Variants in DOT1L observed in about 807,000 individuals in gnomAD.
DOT1L encodes histone-lysine N-methyltransferase, H3 lysine-79 specific.
DOT1L carries 33 observed loss-of-function variants against 153.3 expected under a neutral mutation model. The ratio of observed to expected loss-of-function variants is 0.22; its 90% CI spans 0.16 to 0.29. The LOEUF (loss-of-function observed/expected upper bound fraction) is 0.29. DOT1L is among the 10% of genes least tolerant of loss of function. DOT1L has a pLI of 1.00. For synonymous variants in DOT1L, 1,135 were observed against 965.1 expected (o/e 1.18, Z -3.26); for missense variants, 1,847 against 2,119.9 (o/e 0.87, Z 2.53).
chr19:2,229,257 G>A (rs779609262), intron 27 of DOT1L: 7 of 985,470 alleles, frequency 7.1e-6, no homozygotes, highest in African/African-American at 1.7e-5. Context: ...TTGGCCACCC[G>A]TGCCCTCCAG....
Position 2,207,775 on chromosome 19 carries a change from A to AG in DOT1L, c.963+95_963+96insG. ...TCTCCTTTCTCATGTGGCCTCTGAGACCCTCCCCTCAGAGCCCTCAACGCC... is the reference window on the plus strand; with the variant it reads ...TCTCCTTTCTCATGTGGCCTCTGAGAGCCCTCCCCTCAGAGCCCTCAACGCC... On this transcript the variant is annotated intron_variant, in intron 11 of 27. Transcript: ENST00000398665. This position sits in a 1 kb window ranked among gnomAD's most constrained non-coding sequence, Gnocchi z 4.5. 6 of 1,157,228 alleles carry AG rather than the reference A, an allele frequency of 5.2e-6. No homozygotes were observed. The highest frequency in any genetic ancestry group is 7.2e-6 in the Non-Finnish European group (6 of 835,628). The allele number at this position is 1,157,228 out of a possible 1,614,324, so 71.7% of individuals were successfully genotyped here.
At chr19:2,214,199 G>A in intron 18 of DOT1L, 1 of 925,146 alleles carries the variant, frequency 1.1e-6, no homozygotes, top group Non-Finnish European at 1.6e-6. Flanking sequence ...GGCCCTGGGT[G>A]TCATGGAGCC....
At chr19:2,185,027 T>A (rs1324883994) in intron 2 of DOT1L, among the ~76,000 whole-genome samples, 2 of 152,136 alleles carry the variant, frequency 1.3e-5, no homozygotes, top group Non-Finnish European at 2.9e-5. Context: ...GTAGGTTTAG[T>A]GTTTGTCTTG....
chr19:2,164,617 C>G (rs996485513), intron 1 of DOT1L: 2 of 202,016 alleles, frequency 9.9e-6, no homozygotes, highest in African/African-American at 2.3e-5. Flanking sequence ...GTTCCCGGCG[C>G]TGTCAGTGTG....
intron 8 of DOT1L, among the ~76,000 whole-genome samples, chr19:2,200,456 A>G (rs2144782069): frequency 6.6e-6 from 1 of 152,122 alleles, no homozygotes; most frequent in Non-Finnish European, 1.5e-5. Flanking sequence ...CCCCACCGCC[A>G]CCTGTTTGTC....
chr19:2,222,710 C>G lies in DOT1L; in HGVS notation c.3390+151C>G, dbSNP rs1268326421. 3 of 755,374 alleles carry G rather than the reference C, an allele frequency of 4.0e-6. No individual in the cohort carries two copies. Among genetic ancestry groups the G allele is most frequent in the Non-Finnish European group, 6.2e-6 (3 of 486,852 alleles). The allele number at this position is 755,374 out of a possible 1,614,324, so 46.8% of individuals were successfully genotyped here. A position where few individuals can be genotyped will look rare whatever the true frequency, so the allele number is the denominator to read the frequency against. On this transcript the variant is annotated intron_variant, in intron 24 of 27. Transcript: ENST00000398665. The surrounding 1 kb of genome is among the most constrained non-coding windows in gnomAD (Gnocchi z 6.5). Reference sequence around the variant, plus strand: ...GATCAGGACATCAAGACCATCCTGGCTAACACGGTGAAACCCCGTCTCTAC... The same window carrying G: ...GATCAGGACATCAAGACCATCCTGGGTAACACGGTGAAACCCCGTCTCTAC...
At chr19:2,228,507 C>CA (rs1348730782) in intron 27 of DOT1L, 22 of 1,170,902 alleles carry the variant, frequency 1.9e-5, no homozygotes, top group Admixed American at 3.9e-5. Context: ...GGGAGAGAGC[C>CA]AGGGAGACCA....
chr19:2,226,780 T>C lies in DOT1L; in HGVS notation c.4259T>C (p.Leu1420Pro). 6.4e-7 allele frequency: 1 copy of C among 1,574,730 alleles called. No individual in the cohort carries two copies. Residue 1420 changes from leucine to proline, a missense_variant, in exon 27 of 28, where the codon CTC (leucine) becomes CCC (proline). Leu to Pro is a moderately conservative substitution (Grantham distance 98). This residue lies in a region of DOT1L where 934 missense variants were observed against 825.3 expected (regional missense o/e 1.13). Transcript: ENST00000398665. ...AAKARDREVD[L>P]KNGHNLFISA... ...AAGGCCCGGGACCGCGAGGTCGACC[T>C]CAAGAATGGCCACAACCTCTTCATC...
chr19:2,216,811 ACT>A lies in DOT1L; in HGVS notation c.2408+49_2408+50del, dbSNP rs752505547. ...GGGGGTCTGCAGCTGGTACCTGCCG[ACT>A]CTGCCTGGTGTGCTCAGGCTGTCGG... On this transcript the variant is annotated intron_variant, in intron 20 of 27. Transcript: ENST00000398665. 9.0e-6 allele frequency: 14 copies of A among 1,559,760 alleles called. No homozygotes were observed. The African/African-American group carries it at 1.3e-4, about 15-fold the overall frequency.
rs1484174711 is a variant in DOT1L, at chr19:2,220,172, G to A, written c.2756G>A (p.Gly919Asp). 6.2e-7 allele frequency: 1 copy of A among 1,613,672 alleles called. No individual in the cohort carries two copies. The highest frequency in any genetic ancestry group is 2.2e-5 in the East Asian group (1 of 44,892). Residue 919 changes from glycine to aspartate, a missense_variant, in exon 23 of 28, where the codon GGT becomes GAT. By Grantham distance (94) the Gly-to-Asp change is moderately conservative. Around this residue, in one of 8 missense-constraint regions of DOT1L, gnomAD observed 68 missense variants for 80.7 expected, o/e 0.84. Transcript: ENST00000398665. The surrounding 1 kb of genome is among the most constrained non-coding windows in gnomAD (Gnocchi z 4.5). ...TCGTCCACACTTGAAAAGCAGATTG[G>A]TGCTAATGCCCACGGTGCTGGGAGC... ...DPSSTLEKQI[G>D]ANAHGAGSRS...
intron 25 of DOT1L, 39 bp from the exon 26 acceptor site, chr19:2,225,349 G>A (rs1407405186): frequency 6.3e-7 from 1 of 1,584,052 alleles, no homozygotes; most frequent in Non-Finnish European, 8.7e-7. Flanking sequence ...TTAGTATGCA[G>A]CTGGGTTTCA....
At chr19:2,226,079 C>T (rs1310747609) in intron 26 of DOT1L, 104 bp from the exon 27 acceptor site, 2 of 1,305,766 alleles carry the variant, frequency 1.5e-6, no homozygotes, top group East Asian at 2.6e-5. Context: ...GTGACCAGCC[C>T]TGCCTGCAGA....
chr19:2,173,451 C>T (rs1233811236), intron 1 of DOT1L, among the ~76,000 whole-genome samples: 2 of 152,314 alleles, frequency 1.3e-5, no homozygotes, highest in South Asian at 2.1e-4. Context: ...GCCACCAAGC[C>T]GCTTCCTTAC....
intron 1 of DOT1L, among the ~76,000 whole-genome samples, chr19:2,167,729 CTTTTCTTTTTTT>C: frequency 1.6e-5 from 2 of 128,158 alleles, no homozygotes; most frequent in East Asian, 4.3e-4. Context: ...ATTTTCTTTT[CTTTTCTTTTTTT>C]TTTTTTTTTT....
In DOT1L at chr19:2,226,776, G is replaced by C. The variant is rs1440793289; in HGVS notation, c.4255G>C (p.Asp1419His). 1.5e-5 allele frequency: 23 copies of C among 1,572,192 alleles called. No homozygotes were observed. The highest frequency in any genetic ancestry group is 1.9e-5 in the Non-Finnish European group (22 of 1,165,314). Reference sequence around the variant, plus strand: ...CGCCAAGGCCCGGGACCGCGAGGTCGACCTCAAGAATGGCCACAACCTCTT... The same window carrying C: ...CGCCAAGGCCCGGGACCGCGAGGTCCACCTCAAGAATGGCCACAACCTCTT... ...KAAKARDREV[D>H]LKNGHNLFIS... Residue 1419 changes from aspartate to histidine, a missense_variant, in exon 27 of 28, where the codon GAC (aspartate) becomes CAC (histidine). Asp to His is a moderately conservative substitution (Grantham distance 81). Around this residue, in one of 8 missense-constraint regions of DOT1L, gnomAD observed 934 missense variants for 825.3 expected, o/e 1.13. Coordinates refer to ENST00000398665, the MANE Select transcript of DOT1L (RefSeq NM_032482.3).
In DOT1L at chr19:2,231,285, C is replaced by T. The variant is rs1219461308; in HGVS notation, c.*1493C>T. On this transcript the variant is annotated 3_prime_UTR_variant, in exon 28 of 28. Coordinates refer to ENST00000398665, the MANE Select transcript of DOT1L (RefSeq NM_032482.3). ...TGAGATGGCATCGGGGAGCCCCTTC[C>T]CCAAGGTGCCACAGATCCACCCTCC... 1.8e-5 allele frequency: 4 copies of T among 223,022 alleles called. No homozygotes were observed. Among genetic ancestry groups the T allele is most frequent in the Admixed American group, 1.2e-4 (2 of 17,370 alleles). 13.8% of individuals were successfully genotyped at this position (223,022 alleles called of 1,614,324 possible). A position where few individuals can be genotyped will look rare whatever the true frequency, so the allele number is the denominator to read the frequency against.
rs903137695 is a variant in DOT1L, at chr19:2,208,209, C to T, written c.963+529C>T. 6.6e-6 allele frequency among the ~76,000 whole-genome samples: 1 copy of T among 152,134 alleles called. No homozygotes were observed. The highest frequency in any genetic ancestry group is 2.4e-5 in the African/African-American group (1 of 41,430). ...GCTTCCCCCCCGGGCACGAGTATCCCGAGCCTCCTGGCATGTGGGCAGCGC... is the reference window on the plus strand; with the variant it reads ...GCTTCCCCCCCGGGCACGAGTATCCTGAGCCTCCTGGCATGTGGGCAGCGC... On this transcript the variant is annotated intron_variant, in intron 11 of 27. Coordinates refer to ENST00000398665, the MANE Select transcript of DOT1L (RefSeq NM_032482.3). The surrounding 1 kb of genome is among the most constrained non-coding windows in gnomAD (Gnocchi z 4.4).
intron 3 of DOT1L, among the ~76,000 whole-genome samples, chr19:2,188,982 C>T (rs2022672635): frequency 1.3e-5 from 2 of 152,154 alleles, no homozygotes; most frequent in Admixed American, 6.5e-5. Context: ...GGCTCTGCCC[C>T]GATGCTGTTG....
chr19:2,216,118 A>T (rs2023888010), intron 19 of DOT1L, 163 bp from the exon 20 acceptor site: 3 of 1,037,042 alleles, frequency 2.9e-6, no homozygotes, highest in African/African-American at 1.6e-5. Context: ...TGACGCCCCC[A>T]GCTTCCCGAC....
Sources: allele counts gnomAD v4.1 joint callset (sites outside exome capture counted in the v4.1 genomes callset), GRCh38; gene constraint gnomAD v4.1.1; regional missense constraint gnomAD v4.1.1; non-coding constraint Gnocchi (gnomAD v3.1); transcripts MANE v1.5; gene names NCBI Gene and HGNC (gene_info 2026-07-23, HGNC 2026-07-21).